The following DLG2 variants were observed in gnomAD, a reference collection of about 807,000 sequenced individuals.
DLG2 encodes discs large MAGUK scaffold protein 2, also known as disks large homolog 2.
DLG2 carries 45 observed loss-of-function variants against 132.5 expected under a neutral mutation model. That is an observed-to-expected ratio of 0.34 (90% CI 0.27 to 0.44). The LOEUF (loss-of-function observed/expected upper bound fraction) is 0.44, where lower values mean the gene tolerates loss of function less well. DLG2 is among the 20% of genes least tolerant of loss of function. The pLI is 1.00. For missense variants in DLG2, 1,045 were observed against 1,196.9 expected (o/e 0.87, Z 1.87); for synonymous variants, 424 against 419.6 (o/e 1.01, Z -0.13).
chr11:83,574,070 T>C (rs1307758284), intron 19 of DLG2, among the ~76,000 whole-genome samples: 4 of 152,146 alleles, frequency 2.6e-5, no homozygotes, highest in Non-Finnish European at 5.9e-5. Flanking sequence ...ATAATAAGCA[T>C]GTTAGACATG....
At chr11:85,233,381 C>T (rs1238153387) in intron 4 of DLG2, among the ~76,000 whole-genome samples, 1 of 151,872 alleles carries the variant, frequency 6.6e-6, no homozygotes, top group Non-Finnish European at 1.5e-5. Context: ...GTTATATTAC[C>T]TGTGGTTTCC....
chr11:85,220,637 A>ATATATATAT (rs1554992641), intron 4 of DLG2, among the ~76,000 whole-genome samples: 4 of 148,314 alleles, frequency 2.7e-5, no homozygotes, highest in East Asian at 2.0e-4. Flanking sequence ...TAGAAAAAAA[A>ATATATATAT]ATATATATAT....
rs147811752 is a variant in DLG2 at position 84,270,803 on chromosome 11, T to C, written c.520-19512A>G. Among the ~76,000 whole-genome samples the C allele has an allele frequency of 2.4e-4, 37 of 152,352 alleles. No individual in the cohort carries two copies. In the East Asian group the frequency reaches 6.9e-3, roughly 29 times the overall value. ...GACATCAATATGTGACTATACTTTATAGACATTGTTCATTTTCAAGTATTT... is the reference window on the plus strand; with the variant it reads ...GACATCAATATGTGACTATACTTTACAGACATTGTTCATTTTCAAGTATTT... On this transcript the variant is annotated intron_variant, in intron 7 of 27. Coordinates refer to ENST00000376104, the MANE Select transcript of DLG2 (RefSeq NM_001142699.3).
intron 6 of DLG2, among the ~76,000 whole-genome samples, chr11:84,828,170 G>A (rs1218978159): frequency 6.6e-6 from 1 of 151,792 alleles, no homozygotes; most frequent in Admixed American, 6.6e-5. Flanking sequence ...GCAGGGGCAG[G>A]AGAGAAAGAA....
At chr11:84,100,778 A>G (rs1469806615) in intron 9 of DLG2, among the ~76,000 whole-genome samples, 2 of 152,126 alleles carry the variant, frequency 1.3e-5, no homozygotes, top group Non-Finnish European at 1.5e-5. Context: ...GAAAGGTTCA[A>G]TGTCAAGATA....
intron 4 of DLG2, among the ~76,000 whole-genome samples, chr11:85,245,640 G>T (rs941521588): frequency 6.6e-6 from 1 of 151,866 alleles, no homozygotes; most frequent in Non-Finnish European, 1.5e-5. Flanking sequence ...CATGATAAAA[G>T]ATGTCAATTT....
At chr11:85,621,391 T>C (rs963451946) in intron 2 of DLG2, among the ~76,000 whole-genome samples, 1 of 152,226 alleles carries the variant, frequency 6.6e-6, no homozygotes, top group Non-Finnish European at 1.5e-5. Flanking sequence ...TCAAGCCTTA[T>C]TATTTAAGAA....
chr11:83,489,215 C>G (rs1248231253), intron 21 of DLG2, among the ~76,000 whole-genome samples: 1 of 151,934 alleles, frequency 6.6e-6, no homozygotes, highest in East Asian at 1.9e-4. Context: ...CAGAATCTAA[C>G]CAAACCTCTG....
At chr11:83,941,147 C>T (rs370999224) in intron 14 of DLG2, among the ~76,000 whole-genome samples, 80 of 152,136 alleles carry the variant, frequency 5.3e-4, no homozygotes, top group Middle Eastern at 3.4e-3. Context: ...AGTATAAATA[C>T]GTGACTATTA....
intron 6 of DLG2, among the ~76,000 whole-genome samples, chr11:84,565,596 ATGAT>A (rs1370462679): frequency 6.6e-6 from 1 of 152,144 alleles, no homozygotes; most frequent in Non-Finnish European, 1.5e-5. Flanking sequence ...TTGTTGATAA[ATGAT>A]TGATTATTAC....
intron 6 of DLG2, among the ~76,000 whole-genome samples, chr11:84,540,445 C>T (rs1227372341): frequency 3.3e-5 from 5 of 151,874 alleles, no homozygotes; most frequent in Non-Finnish European, 7.4e-5. Context: ...TGAAAAAATG[C>T]TCATCATCAC....
intron 6 of DLG2, among the ~76,000 whole-genome samples, chr11:84,762,980 A>G (rs2067853764): frequency 6.6e-6 from 1 of 152,218 alleles, no homozygotes; most frequent in African/African-American, 2.4e-5. Context: ...AAAATATTTT[A>G]TAACAATTCT....
Position 83,987,106 on chromosome 11 carries a change from T to G in DLG2, c.920-6464A>C, listed in dbSNP as rs186336869. ...AATTTTGGCTTTTGTTGCCATTGTTTTTGGTGTTTTAGACATGAAGTGCAA... is the reference window on the plus strand; with the variant it reads ...AATTTTGGCTTTTGTTGCCATTGTTGTTGGTGTTTTAGACATGAAGTGCAA... On this transcript the variant is annotated intron_variant, in intron 11 of 27. Coordinates refer to ENST00000376104, the MANE Select transcript of DLG2 (RefSeq NM_001142699.3). 1.1e-3 allele frequency among the ~76,000 whole-genome samples: 165 copies of G among 152,184 alleles called. 1 individual carries two copies. The highest frequency in any genetic ancestry group is 3.8e-3 in the African/African-American group (159 of 41,540).
At chr11:84,587,209 G>GA (rs2099531899) in intron 6 of DLG2, among the ~76,000 whole-genome samples, 1 of 152,158 alleles carries the variant, frequency 6.6e-6, no homozygotes, top group Non-Finnish European at 1.5e-5. Context: ...TACAGAGCCA[G>GA]AAAATCCCAA....
intron 7 of DLG2, among the ~76,000 whole-genome samples, chr11:84,464,516 G>A (rs1334234509): frequency 1.3e-5 from 2 of 151,028 alleles, no homozygotes; most frequent in African/African-American, 4.8e-5. Flanking sequence ...TGGCTTAAAT[G>A]GTTCTATGAT....
chr11:85,467,327 C>A (rs186980377), intron 3 of DLG2, among the ~76,000 whole-genome samples: 219 of 152,256 alleles, frequency 1.4e-3, no homozygotes, highest in African/African-American at 5.1e-3. Context: ...ATTGCCCTGG[C>A]CAGAACTTCC....
chr11:83,643,914 T>G (rs1454659002), intron 18 of DLG2, among the ~76,000 whole-genome samples: 1 of 152,084 alleles, frequency 6.6e-6, no homozygotes, highest in East Asian at 1.9e-4. Context: ...GTTCCTGACA[T>G]GAACATGTCC....
intron 7 of DLG2, among the ~76,000 whole-genome samples, chr11:84,488,493 C>T (rs2099156497): frequency 6.6e-6 from 1 of 152,088 alleles, no homozygotes; most frequent in Admixed American, 6.6e-5. Flanking sequence ...CAAGCTGTGA[C>T]TCATCCAACA....
intron 8 of DLG2, among the ~76,000 whole-genome samples, chr11:84,229,182 T>G (rs1467023890): frequency 6.6e-6 from 1 of 152,158 alleles, no homozygotes; most frequent in African/African-American, 2.4e-5. Flanking sequence ...AATGGAAAAG[T>G]TATAAACCAG....
Sources: allele counts gnomAD v4.1 joint callset (sites outside exome capture counted in the v4.1 genomes callset), GRCh38; gene constraint gnomAD v4.1.1; transcripts MANE v1.5; gene names NCBI Gene and HGNC (gene_info 2026-07-23, HGNC 2026-07-21).